Variants in USH2A observed in about 807,000 individuals in gnomAD.
USH2A encodes Usher syndrome 2A (autosomal recessive, mild).
USH2A carries 443 observed loss-of-function variants against 538.9 expected under a neutral mutation model. That is an observed-to-expected ratio of 0.82 (90% CI 0.76 to 0.89). The LOEUF (loss-of-function observed/expected upper bound fraction) is 0.89, where lower values mean the gene tolerates loss of function less well. Ranked by LOEUF, USH2A falls within the 40% of genes least tolerant of loss-of-function variation. The pLI is 0.00. For synonymous variants in USH2A, 2,413 were observed against 2,273.5 expected (o/e 1.06, Z -1.75); for missense variants, 6,633 against 6,324.8 (o/e 1.05, Z -1.65).
chr1:216,132,001 T>C (rs75419840), intron 21 of USH2A, among the ~76,000 whole-genome samples: 4,873 of 152,178 alleles, frequency 0.032, 101 homozygotes, highest in Middle Eastern at 0.058. Flanking sequence ...ATGGTAGAAA[T>C]GGGTTCTGAA....
chr1:215,706,700 C>T (rs768064515), intron 61 of USH2A, among the ~76,000 whole-genome samples: 1 of 152,076 alleles, frequency 6.6e-6, no homozygotes, highest in African/African-American at 2.4e-5. Flanking sequence ...TAAATTTTCC[C>T]CTTTTCTTTG....
At chr1:216,079,473 G>A (rs2031859282) in intron 26 of USH2A, among the ~76,000 whole-genome samples, 1 of 152,142 alleles carries the variant, frequency 6.6e-6, no homozygotes, top group African/African-American at 2.4e-5. Context: ...GGTCCCCCAA[G>A]GAGGGGGACT....
chr1:215,924,297 T>TG (rs1415764829), intron 38 of USH2A, among the ~76,000 whole-genome samples: 1 of 152,064 alleles, frequency 6.6e-6, no homozygotes. Flanking sequence ...TTTTAGACTC[T>TG]GGGGGGTCTA....
intron 15 of USH2A, among the ~76,000 whole-genome samples, chr1:216,210,815 T>C (rs920966488): frequency 1.3e-5 from 2 of 152,018 alleles, no homozygotes; most frequent in Admixed American, 6.6e-5. Context: ...ACCCCGTCTC[T>C]ACTAAAAATA....
intron 34 of USH2A, among the ~76,000 whole-genome samples, chr1:215,994,330 T>C (rs1452199903): frequency 6.6e-6 from 1 of 152,192 alleles, no homozygotes; most frequent in African/African-American, 2.4e-5. Context: ...TTTGTGATTC[T>C]TAAAGTAGTC....
At chr1:216,046,345 ACC>A (rs1391803422) in intron 32 of USH2A, 84 bp downstream of exon 32, 18 of 1,481,602 alleles carry the variant, frequency 1.2e-5, no homozygotes, top group Non-Finnish European at 1.5e-5. Flanking sequence ...CAGATATGGA[ACC>A]CCTGGATATC....
intron 40 of USH2A, among the ~76,000 whole-genome samples, chr1:215,897,721 G>GAGAAAGAA (rs3057759): frequency 3.4e-5 from 5 of 149,082 alleles, no homozygotes; most frequent in Admixed American, 1.3e-4. Context: ...AAGAAAGAAA[G>GAGAAAGAA]AGAAAGAAAG....
chr1:215,738,803 A>T (rs754823014), intron 60 of USH2A, among the ~76,000 whole-genome samples: 26 of 152,146 alleles, frequency 1.7e-4, no homozygotes, highest in Non-Finnish European at 4.4e-5. Flanking sequence ...TGCCGATAGA[A>T]GAAAGAGAAG....
intron 11 of USH2A, among the ~76,000 whole-genome samples, chr1:216,288,282 A>T (rs2036927704): frequency 6.6e-6 from 1 of 152,174 alleles, no homozygotes; most frequent in South Asian, 2.1e-4. Flanking sequence ...ATAAAATAAA[A>T]ATAGTAGAAA....
intron 4 of USH2A, among the ~76,000 whole-genome samples, chr1:216,357,959 T>C (rs538970495): frequency 6.6e-6 from 1 of 152,294 alleles, no homozygotes; most frequent in South Asian, 2.1e-4. Flanking sequence ...CTTTGGTTGA[T>C]ATAGATGGTC....
chr1:216,179,905 T>C (rs187648765), intron 20 of USH2A, among the ~76,000 whole-genome samples: 4 of 152,196 alleles, frequency 2.6e-5, no homozygotes, highest in South Asian at 4.1e-4. Context: ...ATGAAAGGGA[T>C]TTGGTAGACT....
chr1:216,192,030 T>G (rs1039788250), intron 19 of USH2A, among the ~76,000 whole-genome samples: 1 of 152,104 alleles, frequency 6.6e-6, no homozygotes, highest in African/African-American at 2.4e-5. Flanking sequence ...GTCTTTATCA[T>G]GTACATAGAG....
intron 19 of USH2A, chr1:216,193,934 T>C (rs2034777266): frequency 6.6e-6 from 1 of 152,010 alleles, no homozygotes; most frequent in African/African-American, 2.4e-5. Context: ...GCTAAGAGGG[T>C]CATTTCAGCT....
chr1:216,188,599 G>A (rs2102653451), intron 20 of USH2A, among the ~76,000 whole-genome samples: 1 of 152,022 alleles, frequency 6.6e-6, no homozygotes, highest in East Asian at 1.9e-4. Context: ...GTTACTAGGA[G>A]ATATTTTTGA....
At chr1:215,639,337 G>T in intron 68 of USH2A, 99 bp from the exon 69 acceptor site, 1 of 1,117,892 alleles carries the variant, frequency 8.9e-7, no homozygotes, top group Non-Finnish European at 1.4e-6. Flanking sequence ...ATGAAAAATA[G>T]GATTCCAAAG....
At chr1:215,716,473 G>A (rs1659491669) in intron 61 of USH2A, among the ~76,000 whole-genome samples, 1 of 152,128 alleles carries the variant, frequency 6.6e-6, no homozygotes, top group South Asian at 2.1e-4. Context: ...CCACTAATGG[G>A]CACAGGTATC....
In USH2A at chr1:216,250,873, T is replaced by C. The variant is rs763914126; in HGVS notation, c.2167+30A>G. On this transcript the variant is annotated intron_variant, in intron 12 of 71. Coordinates refer to ENST00000307340, the MANE Select transcript of USH2A (RefSeq NM_206933.4). ...ATTTTATTCCAGATGGTAATAGAGATGTGACTGTAAACTTTTGCGTTACAC... is the reference window on the plus strand; with the variant it reads ...ATTTTATTCCAGATGGTAATAGAGACGTGACTGTAAACTTTTGCGTTACAC... The C allele has an allele frequency of 3.5e-5, 57 of 1,609,698 alleles. No individual in the cohort carries two copies. In the East Asian group the frequency reaches 9.6e-4, roughly 27 times the overall value.
intron 44 of USH2A, among the ~76,000 whole-genome samples, chr1:215,851,748 C>T (rs1164867034): frequency 6.6e-6 from 1 of 151,900 alleles, no homozygotes; most frequent in Non-Finnish European, 1.5e-5. Flanking sequence ...AAGAAAACTA[C>T]AGACCAATAT....
chr1:216,105,220 C>A (rs192976197), intron 21 of USH2A, among the ~76,000 whole-genome samples: 2 of 152,214 alleles, frequency 1.3e-5, no homozygotes, highest in East Asian at 3.9e-4. Flanking sequence ...TCTGAGAAAT[C>A]TTTACCAACA....
Sources: allele counts gnomAD v4.1 joint callset (sites outside exome capture counted in the v4.1 genomes callset), GRCh38; gene constraint gnomAD v4.1.1; transcripts MANE v1.5; gene names NCBI Gene and HGNC (gene_info 2026-07-23, HGNC 2026-07-21).